The following KCNH2 variants were observed in gnomAD, a reference collection of about 807,000 sequenced individuals.
KCNH2 encodes the protein voltage-gated inwardly rectifying potassium channel KCNH2.
In KCNH2, 35 loss-of-function variants were observed where a neutral mutation model predicts 95.9. The observed-to-expected ratio is 0.37, with a 90% confidence interval of 0.28 to 0.48. KCNH2 has a LOEUF of 0.48. Among genes scored for constraint, KCNH2 ranks in the 20% least tolerant of loss-of-function variants. KCNH2 has a pLI of 0.99. For synonymous variants in KCNH2, 786 were observed against 754.7 expected, an observed-to-expected ratio of 1.04 and a Z score of -0.68; for missense variants, 1,274 against 1,702.9, an observed-to-expected ratio of 0.75 and a Z score of 4.43.
At chr7:150,951,899 T>C in intron 6 of KCNH2, 64 bp from the exon 7 acceptor site, 2 of 1,434,598 alleles carry the variant, frequency 1.4e-6, no homozygotes, top group South Asian at 1.3e-5. Context: ...GGAGGGGAGG[T>C]GCTGCGGCCC....
At chr7:150,972,742 A>T (rs772802426) in intron 2 of KCNH2, among the ~76,000 whole-genome samples, 1 of 152,218 alleles carries the variant, frequency 6.6e-6, no homozygotes, top group East Asian at 1.9e-4. Context: ...TTCACTGGTC[A>T]TCAGACCTCT....
intron 5 of KCNH2, chr7:150,955,718 C>T: frequency 7.5e-7 from 1 of 1,342,262 alleles, no homozygotes; most frequent in South Asian, 2.1e-5. Flanking sequence ...GCCTGCCTGG[C>T]TCGAGCTGCC....
chr7:150,965,394 C>T (rs544592757), intron 2 of KCNH2, among the ~76,000 whole-genome samples: 10 of 152,304 alleles, frequency 6.6e-5, no homozygotes, highest in East Asian at 3.9e-4. Flanking sequence ...CTCTGGGGCC[C>T]GGCTCTGCCT....
intron 5 of KCNH2, among the ~76,000 whole-genome samples, chr7:150,955,239 G>C (rs550870830): frequency 2.0e-5 from 3 of 152,368 alleles, no homozygotes; most frequent in African/African-American, 7.2e-5. Flanking sequence ...ATGAGAACAG[G>C]AGCCAGGCGC....
In KCNH2 at chr7:150,950,392, T is replaced by C. The variant is rs1401141040; in HGVS notation, c.2174A>G (p.Gln725Arg). The change falls in exon 9 of 15, where the codon CAG becomes CGG. Residue 725 changes from glutamine (Q) to arginine (R), a missense_variant. Around this residue, in one of 7 missense-constraint regions of KCNH2, gnomAD observed 159 missense variants for 282.5 expected, o/e 0.56. Transcript: ENST00000262186. ...AVLKGFPECL[Q>R]ADICLHLNRS... ...GTTCAGGTGCAGGCAGATGTCAGCC[T>C]GCAGGCACTCAGGGAAGCCCTTCAG... 1.2e-6 allele frequency: 2 copies of C among 1,612,382 alleles called. No individual in the cohort carries two copies. The highest frequency in any genetic ancestry group is 8.5e-7 in the Non-Finnish European group (1 of 1,179,896).
intron 11 of KCNH2, 28 bp downstream of exon 11, chr7:150,948,416 T>TCCCCCCCCCCCCCCCCCCC: frequency 2.5e-6 from 1 of 402,880 alleles, no homozygotes; most frequent in Non-Finnish European, 4.2e-6. Flanking sequence ...GTCCCCGCCC[T>TCCCCCCCCCCCCCCCCCCC]CCCCCTTCCT....
Position 150,951,013 on chromosome 7 carries a change from G to C in KCNH2, c.2053C>G (p.Arg685Gly), listed in dbSNP as rs778135438. The C allele has an allele frequency of 6.2e-7, 1 of 1,614,116 alleles. No homozygotes were observed. Among genetic ancestry groups the C allele is most frequent in the Admixed American group, 1.7e-5 (1 of 60,010 alleles). Residue 685 changes from arginine (R) to glycine (G), a missense_variant, in exon 8 of 15, where the codon CGC becomes GGC. Arg to Gly is a moderately radical substitution (Grantham distance 125). Transcript: ENST00000262186. ...TQMLRVREFI[R>G]FHQIPNPLRQ... is the part of the protein sequence containing the mutation. Reference sequence around the variant, plus strand: ...AGGGGATTGGGGATCTGGTGGAAGCGGATGAACTCCCGCACCCGCAGCATC... The same window carrying C: ...AGGGGATTGGGGATCTGGTGGAAGCCGATGAACTCCCGCACCCGCAGCATC...
At chr7:150,954,075 C>T (rs1584858816) in intron 5 of KCNH2, among the ~76,000 whole-genome samples, 1 of 152,306 alleles carries the variant, frequency 6.6e-6, no homozygotes, top group South Asian at 2.1e-4. Flanking sequence ...GATTTGACCA[C>T]CCTGGGGTGG....
At chr7:150,955,004 C>A (rs1423446216) in intron 5 of KCNH2, among the ~76,000 whole-genome samples, 1 of 152,244 alleles carries the variant, frequency 6.6e-6, no homozygotes, top group African/African-American at 2.4e-5. Flanking sequence ...AGCAAAGGAG[C>A]CCCGGCGCCT....
chr7:150,956,248 T>C (rs882156), intron 5 of KCNH2, among the ~76,000 whole-genome samples: 103,586 of 151,992 alleles, frequency 0.68, 36,216 homozygotes, highest in East Asian at 0.88. Flanking sequence ...GAGGGGTAGG[T>C]GGCCAGATAA....
At position 150,945,679 on chromosome 7, in the gene KCNH2, C is replaced by T. The variant is rs1410933345; in HGVS notation, c.3331-165G>A. On this transcript the variant is annotated intron_variant, in intron 14 of 14. Transcript: ENST00000262186. The surrounding 1 kb of genome is among the most constrained non-coding windows in gnomAD (Gnocchi z 5.6). ...CTGGAGGGGACAAGAGCCAAGGCAG[C>T]GAGAGCAGGACAGGGGCCACCAAGG... is the stretch of plus-strand genomic sequence containing the variant. Among the ~76,000 whole-genome samples the T allele has an allele frequency of 2.6e-5, 4 of 151,736 alleles. No individual in the cohort carries two copies. Among genetic ancestry groups the T allele is most frequent in the East Asian group, 1.9e-4 (1 of 5,132 alleles).
intron 3 of KCNH2, 62 bp from the exon 4 acceptor site, chr7:150,958,564 C>A: frequency 7.3e-7 from 1 of 1,375,884 alleles, no homozygotes; most frequent in Non-Finnish European, 9.5e-7. Context: ...CGGGCAAGGC[C>A]TGGGAAATGG....
chr7:150,957,566 T>A, intron 4 of KCNH2, 64 bp from the exon 5 acceptor site: 1 of 1,259,282 alleles, frequency 7.9e-7, no homozygotes, highest in South Asian at 1.2e-5. Context: ...AGGCCACCCA[T>A]AGATCGAGAG....
intron 2 of KCNH2, among the ~76,000 whole-genome samples, chr7:150,970,623 T>C (rs544929398): frequency 5.9e-5 from 9 of 152,122 alleles, no homozygotes; most frequent in Non-Finnish European, 1.0e-4. Context: ...AAGGGAAAGG[T>C]GGAGGGAAGG....
intron 7 of KCNH2, 76 bp downstream of exon 7, chr7:150,951,372 T>C: frequency 1.9e-6 from 3 of 1,581,746 alleles, no homozygotes; most frequent in Middle Eastern, 2.2e-4. Flanking sequence ...CTGGCCCGGC[T>C]AGCAGCCTCA....
chr7:150,950,429 AG>A lies in KCNH2; in HGVS notation c.2146-10del. The A allele has an allele frequency of 6.2e-7, 1 of 1,610,758 alleles. No homozygotes were observed. The highest frequency in any genetic ancestry group is 8.5e-7 in the Non-Finnish European group (1 of 1,179,874). On this transcript the variant is annotated splice_polypyrimidine_tract_variant and intron_variant, in intron 8 of 14. Transcript: ENST00000262186. ...GGGAAGCCCTTCAGCACCTGGGGGC[AG>A]GGTGGGGGCAGCTCAGCACACCCTC...
intron 2 of KCNH2, among the ~76,000 whole-genome samples, chr7:150,968,923 C>A (rs772130664): frequency 2.0e-5 from 3 of 152,222 alleles, no homozygotes; most frequent in Non-Finnish European, 4.4e-5. Flanking sequence ...AGAATGAGCT[C>A]TGGCACCGCA....
intron 1 of KCNH2, among the ~76,000 whole-genome samples, chr7:150,975,166 C>A (rs1801950435): frequency 1.3e-5 from 2 of 151,850 alleles, no homozygotes; most frequent in South Asian, 4.1e-4. Context: ...CCGCCTGGCC[C>A]GCGGGCGGGC....
intron 1 of KCNH2, 139 bp downstream of exon 1, chr7:150,977,699 C>G (rs1042680477): frequency 7.5e-6 from 5 of 666,500 alleles, no homozygotes; most frequent in Non-Finnish European, 1.2e-5. Context: ...CGTCCCCTCG[C>G]CAAAGCCTGG....
Sources: gnomAD v4.1 joint callset for allele counts (sites outside exome capture counted in the v4.1 genomes callset) on GRCh38, gnomAD v4.1.1 for gene constraint, gnomAD v4.1.1 regional missense constraint, Gnocchi (gnomAD v3.1) non-coding constraint, MANE v1.5 for transcripts, NCBI Gene and HGNC (gene_info 2026-07-23, HGNC 2026-07-21) for gene names.